Variants in UVRAG observed in about 807,000 individuals in gnomAD.
UVRAG encodes UV radiation resistance associated, also known as UV radiation resistance-associated gene protein.
UVRAG carries 19 observed loss-of-function variants against 78.0 expected under a neutral mutation model. That is an observed-to-expected ratio of 0.24 (90% CI 0.17 to 0.36). The LOEUF (loss-of-function observed/expected upper bound fraction) is 0.36, where lower values mean the gene tolerates loss of function less well. UVRAG is among the 10% of genes least tolerant of loss of function. The pLI is 1.00. For synonymous variants in UVRAG, 323 were observed against 324.6 expected (o/e 1.00, Z 0.05); for missense variants, 740 against 853.8 (o/e 0.87, Z 1.66).
chr11:75,839,610 T>C (rs1215801944), intron 1 of UVRAG, among the ~76,000 whole-genome samples: 2 of 152,108 alleles, frequency 1.3e-5, no homozygotes, highest in Non-Finnish European at 2.9e-5. Flanking sequence ...ACATCCATTA[T>C]CTAATTAGTT....
intron 8 of UVRAG, among the ~76,000 whole-genome samples, chr11:75,994,985 T>TAAACA (rs965471845): frequency 1.3e-5 from 2 of 152,200 alleles, no homozygotes; most frequent in Admixed American, 6.5e-5. Flanking sequence ...TTCCTCTGCA[T>TAAACA]AAACAAAACA....
chr11:75,893,374 A>G (rs1268589420), intron 5 of UVRAG, among the ~76,000 whole-genome samples: 2 of 151,970 alleles, frequency 1.3e-5, no homozygotes, highest in Non-Finnish European at 2.9e-5. Flanking sequence ...CTAAATGAGC[A>G]CGAAAAGCTG....
At chr11:76,029,637 T>C (rs1167278453) in intron 12 of UVRAG, among the ~76,000 whole-genome samples, 1 of 152,150 alleles carries the variant, frequency 6.6e-6, no homozygotes, top group African/African-American at 2.4e-5. Context: ...AGTTGCATCT[T>C]ATGGATGAGC....
chr11:76,040,506 A>T lies in UVRAG; in HGVS notation c.1226+23526A>T, dbSNP rs150880333. ...AAAAAAGGAAAGAAAGAAATAGAAG[A>T]TGCACAACACACTGGATTTTTGGTT... On this transcript the variant is annotated intron_variant, in intron 12 of 14. Transcript: ENST00000356136. Among the ~76,000 whole-genome samples the T allele has an allele frequency of 1.7e-3, 251 of 150,146 alleles. 1 individual carries two copies. The highest frequency in any genetic ancestry group is 7.1e-3 in the Middle Eastern group (2 of 282).
chr11:76,087,002 T>G (rs1299561876), intron 13 of UVRAG, among the ~76,000 whole-genome samples: 1 of 152,274 alleles, frequency 6.6e-6, no homozygotes, highest in African/African-American at 2.4e-5. Flanking sequence ...TTTTGTTTCC[T>G]TTCCTAGTGT....
chr11:75,983,509 C>CAAAGGTGAA lies in UVRAG; in HGVS notation c.826+4_826+5insAAAAGGTGA. On this transcript the variant is annotated inframe_insertion, in exon 8 of 15. Coordinates refer to ENST00000356136, the MANE Select transcript of UVRAG (RefSeq NM_003369.4). ...ATAAGCAACAAATTGCATTACAAGACAAAGGTGAGTGGAAATACCATACAA... is the reference window on the plus strand; with the variant it reads ...ATAAGCAACAAATTGCATTACAAGACAAAGGTGAAAAAGGTGAGTGGAAATACCATACAA... The CAAAGGTGAA allele has an allele frequency of 1.9e-6, 3 of 1,596,036 alleles. No homozygotes were observed. The highest frequency in any genetic ancestry group is 2.6e-6 in the Non-Finnish European group (3 of 1,169,606).
At chr11:76,057,388 T>C (rs973536777) in intron 12 of UVRAG, among the ~76,000 whole-genome samples, 2 of 152,212 alleles carry the variant, frequency 1.3e-5, no homozygotes, top group Non-Finnish European at 2.9e-5. Context: ...GAAGGTTAAA[T>C]GGCCCTTAGT....
chr11:75,956,345 CTAT>C (rs1455810106), intron 6 of UVRAG, among the ~76,000 whole-genome samples: 1 of 149,272 alleles, frequency 6.7e-6, no homozygotes, highest in African/African-American at 2.5e-5. Context: ...AAAAATGGCA[CTAT>C]TATTTATTAG....
At chr11:76,120,575 G>A (rs543168126) in intron 14 of UVRAG, among the ~76,000 whole-genome samples, 23 of 152,256 alleles carry the variant, frequency 1.5e-4, no homozygotes, top group Middle Eastern at 3.4e-3. Flanking sequence ...TAAGCTCCAA[G>A]CTCATACATT....
chr11:75,819,004 C>T (rs1467496303), intron 1 of UVRAG, among the ~76,000 whole-genome samples: 2 of 152,166 alleles, frequency 1.3e-5, no homozygotes, highest in Non-Finnish European at 2.9e-5. Context: ...TGAGTTCAGA[C>T]ATGGCCAAAT....
At chr11:75,922,409 T>C (rs892660381) in intron 6 of UVRAG, among the ~76,000 whole-genome samples, 1 of 152,170 alleles carries the variant, frequency 6.6e-6, no homozygotes, top group Non-Finnish European at 1.5e-5. Context: ...ATATATCTAA[T>C]TGTTTTTATT....
At chr11:75,836,873 C>A (rs1945787310) in intron 1 of UVRAG, among the ~76,000 whole-genome samples, 1 of 152,164 alleles carries the variant, frequency 6.6e-6, no homozygotes, top group Non-Finnish European at 1.5e-5. Context: ...TCCATTATTT[C>A]TTTCCTATTA....
intron 11 of UVRAG, among the ~76,000 whole-genome samples, chr11:76,010,879 T>C (rs1197501842): frequency 2.6e-5 from 4 of 151,622 alleles, no homozygotes; most frequent in African/African-American, 4.9e-5. Context: ...CTATAAGGAG[T>C]TGATATTTTA....
chr11:75,900,419 C>CA (rs1197975463), intron 5 of UVRAG, among the ~76,000 whole-genome samples: 1 of 152,146 alleles, frequency 6.6e-6, no homozygotes, highest in African/African-American at 2.4e-5. Context: ...AACATGCTGT[C>CA]ACTGTTGCCT....
At chr11:75,971,078 C>T (rs1949113263) in intron 7 of UVRAG, among the ~76,000 whole-genome samples, 1 of 152,154 alleles carries the variant, frequency 6.6e-6, no homozygotes. Flanking sequence ...TTTACCTTTT[C>T]CATGATTTCA....
chr11:76,098,235 G>A (rs1381387256), intron 13 of UVRAG, among the ~76,000 whole-genome samples: 1 of 152,044 alleles, frequency 6.6e-6, no homozygotes, highest in Non-Finnish European at 1.5e-5. Flanking sequence ...AGTGTCCTTA[G>A]GAATAGCTAC....
rs569181786 is a variant in UVRAG, at chr11:76,130,385, A to G, written c.1398-10326A>G. On this transcript the variant is annotated intron_variant, in intron 14 of 14. Coordinates refer to ENST00000356136, the MANE Select transcript of UVRAG (RefSeq NM_003369.4). ...CATGAACCATGGCTTTTTTCCAATT[A>G]TTATAGCCCCAGAGTCTAGCGCAGC... Among the ~76,000 whole-genome samples the G allele has an allele frequency of 3.9e-5, 6 of 152,328 alleles. No homozygotes were observed. The South Asian group carries it at 1.2e-3, about 32-fold the overall frequency.
chr11:76,059,652 T>C (rs1343451432), intron 12 of UVRAG, among the ~76,000 whole-genome samples: 1 of 152,162 alleles, frequency 6.6e-6, no homozygotes, highest in Non-Finnish European at 1.5e-5. Flanking sequence ...CAAAGAATTA[T>C]CCAGAGTGGC....
At chr11:75,979,377 G>A (rs1001261003) in intron 7 of UVRAG, 30 of 152,486 alleles carry the variant, frequency 2.0e-4, no homozygotes, top group African/African-American at 7.0e-4. Flanking sequence ...ACTCTGTGCT[G>A]GGAGAACCAC....
Sources: gnomAD v4.1 joint callset for allele counts (sites outside exome capture counted in the v4.1 genomes callset) on GRCh38, gnomAD v4.1.1 for gene constraint, MANE v1.5 for transcripts, NCBI Gene and HGNC (gene_info 2026-07-23, HGNC 2026-07-21) for gene names.